The following MAST4 variants were observed in gnomAD, a reference collection of about 807,000 sequenced individuals.
MAST4 encodes microtubule associated serine/threonine kinase family member 4, also known as microtubule-associated serine/threonine-protein kinase 4.
MAST4 carries 89 observed loss-of-function variants against 162.7 expected under a neutral mutation model. The ratio of observed to expected loss-of-function variants is 0.55; its 90% CI spans 0.46 to 0.65. The LOEUF (loss-of-function observed/expected upper bound fraction) is 0.65, where lower values mean the gene tolerates loss of function less well. MAST4 is among the 30% of genes least tolerant of loss of function. The pLI is 0.00. For synonymous variants in MAST4, 1,479 were observed against 1,361.1 expected, an observed-to-expected ratio of 1.09 and a Z score of -1.91; for missense variants, 3,153 against 3,374.0, an observed-to-expected ratio of 0.93 and a Z score of 1.62.
At chr5:67,113,095 C>T (rs929584988) in intron 11 of MAST4, among the ~76,000 whole-genome samples, 5 of 152,026 alleles carry the variant, frequency 3.3e-5, no homozygotes, top group Non-Finnish European at 7.4e-5. Flanking sequence ...GGGTGGATCA[C>T]GAGGTCAGGA....
chr5:66,800,501 G>A lies in MAST4; in HGVS notation c.642+11707G>A, dbSNP rs115395296. Among the ~76,000 whole-genome samples the A allele has an allele frequency of 2.0e-3, 309 of 152,134 alleles. 2 individuals carry two copies. Among genetic ancestry groups the A allele is most frequent in the African/African-American group, 7.0e-3 (292 of 41,504 alleles). On this transcript the variant is annotated intron_variant, in intron 3 of 28. Transcript: ENST00000403625. ...AGTGGGAGCTAAATGATGAGAACAC[G>A]TGGGCACAAAGTTGGGAACACCAGA...
intron 4 of MAST4, among the ~76,000 whole-genome samples, chr5:66,900,533 A>C (rs1250620734): frequency 6.6e-6 from 1 of 152,050 alleles, no homozygotes; most frequent in African/African-American, 2.4e-5. Context: ...AAGGCCAATA[A>C]TATATTTGCA....
intron 4 of MAST4, among the ~76,000 whole-genome samples, chr5:66,944,737 A>G (rs950545991): frequency 6.6e-6 from 1 of 152,118 alleles, no homozygotes; most frequent in African/African-American, 2.4e-5. Flanking sequence ...CAGTTCTGTC[A>G]ATCAGAAGCC....
chr5:66,628,145 A>G (rs542509415), intron 1 of MAST4, among the ~76,000 whole-genome samples: 88 of 151,622 alleles, frequency 5.8e-4, no homozygotes, highest in African/African-American at 1.8e-3. Context: ...TGATCCTCCC[A>G]CTCTAGCCTC....
intron 4 of MAST4, among the ~76,000 whole-genome samples, chr5:66,905,302 C>CA (rs60337775): frequency 0.27 from 20,796 of 77,792 alleles, 4,095 homozygotes; most frequent in Non-Finnish European, 0.35. Context: ...AACTCTGTCT[C>CA]AAAAAAAAAA....
chr5:66,635,255 T>TTCTA (rs142948574), intron 1 of MAST4, among the ~76,000 whole-genome samples: 2,405 of 152,282 alleles, frequency 0.016, 64 homozygotes, highest in African/African-American at 0.054. Context: ...TCTGGGAAGT[T>TTCTA]TCTATCGGCA....
intron 3 of MAST4, among the ~76,000 whole-genome samples, chr5:66,801,481 A>G (rs1038450375): frequency 6.6e-6 from 1 of 152,222 alleles, no homozygotes; most frequent in Admixed American, 6.5e-5. Flanking sequence ...TAAAAAATGA[A>G]AACTGATGTT....
intron 2 of MAST4, 75 bp downstream of exon 2, chr5:66,759,937 A>T: frequency 1.3e-6 from 2 of 1,510,418 alleles, no homozygotes; most frequent in Non-Finnish European, 1.8e-6. Context: ...AGAGTTCCAC[A>T]TGTAATCAGC....
chr5:66,830,516 C>T (rs945746825), intron 3 of MAST4, among the ~76,000 whole-genome samples: 3 of 152,148 alleles, frequency 2.0e-5, no homozygotes, highest in Non-Finnish European at 4.4e-5. Context: ...ACTTTTTCTA[C>T]ACCTGCCGTC....
chr5:66,810,198 G>T (rs1270107020), intron 3 of MAST4, among the ~76,000 whole-genome samples: 1 of 152,170 alleles, frequency 6.6e-6, no homozygotes, highest in African/African-American at 2.4e-5. Context: ...TTCTCCTGGT[G>T]TTTAGTCAGG....
intron 26 of MAST4, among the ~76,000 whole-genome samples, chr5:67,157,621 C>T (rs1200169640): frequency 6.6e-6 from 1 of 152,180 alleles, no homozygotes; most frequent in Non-Finnish European, 1.5e-5. Flanking sequence ...GTGCCAGGCT[C>T]AGGAGAGATG....
At chr5:66,633,351 A>G (rs1744906600) in intron 1 of MAST4, among the ~76,000 whole-genome samples, 2 of 152,236 alleles carry the variant, frequency 1.3e-5, no homozygotes, top group Admixed American at 6.5e-5. Context: ...TTGAATGTGT[A>G]CTTGACTGGC....
At position 67,100,551 on chromosome 5, in the gene MAST4, A is replaced by G; in HGVS notation, c.1029A>G (p.Arg343=). 1 of 1,613,958 alleles carries G rather than the reference A, an allele frequency of 6.2e-7. No individual in the cohort carries two copies. Among genetic ancestry groups the G allele is most frequent in the Non-Finnish European group, 8.5e-7 (1 of 1,179,852 alleles). Residue 343 remains arginine, a synonymous_variant, in exon 8 of 29, where the codon AGA becomes AGG. Transcript: ENST00000403625. ...CCGAAAGCATCGCCACTGAGAACAG[A>G]TGCAGGAACACGCCGATGCGCCCCC... is the stretch of plus-strand genomic sequence containing the variant. ...CTTESIATEN[R]CRNTPMRPRS... is the part of the protein sequence containing the mutation.
chr5:67,055,602 A>G (rs1758700541), intron 5 of MAST4, among the ~76,000 whole-genome samples: 1 of 152,168 alleles, frequency 6.6e-6, no homozygotes, highest in Non-Finnish European at 1.5e-5. Context: ...TAATTAAAGG[A>G]ATTAAAGGTG....
At chr5:67,128,322 G>A (rs989060555) in intron 14 of MAST4, among the ~76,000 whole-genome samples, 7 of 152,170 alleles carry the variant, frequency 4.6e-5, no homozygotes, top group African/African-American at 9.7e-5. Flanking sequence ...ACCAGTCGGC[G>A]TGGAAAGTGC....
At chr5:67,019,415 C>T (rs1360015796) in intron 4 of MAST4, among the ~76,000 whole-genome samples, 1 of 152,212 alleles carries the variant, frequency 6.6e-6, no homozygotes, top group African/African-American at 2.4e-5. Flanking sequence ...AATGCTAGCT[C>T]AGAAACACTC....
At chr5:66,872,983 A>AATTAG (rs1761050347) in intron 3 of MAST4, among the ~76,000 whole-genome samples, 2 of 152,168 alleles carry the variant, frequency 1.3e-5, no homozygotes, top group African/African-American at 2.4e-5. Context: ...TCTATAGTAC[A>AATTAG]CTATAAATTA....
chr5:66,776,122 C>G (rs906801284), intron 2 of MAST4, among the ~76,000 whole-genome samples: 1 of 152,148 alleles, frequency 6.6e-6, no homozygotes, highest in Non-Finnish European at 1.5e-5. Flanking sequence ...GAAATTTAGA[C>G]TTGTCTGGAA....
chr5:66,981,664 C>T (rs1727552077), intron 4 of MAST4, among the ~76,000 whole-genome samples: 1 of 152,146 alleles, frequency 6.6e-6, no homozygotes, highest in African/African-American at 2.4e-5. Context: ...TTTCATAGCC[C>T]TATAAACAGA....
Sources: allele counts gnomAD v4.1 joint callset (sites outside exome capture counted in the v4.1 genomes callset), GRCh38; gene constraint gnomAD v4.1.1; transcripts MANE v1.5; gene names NCBI Gene and HGNC (gene_info 2026-07-23, HGNC 2026-07-21).